The following MRPL11 variants were observed in gnomAD, a reference collection of about 807,000 sequenced individuals.
MRPL11 encodes large ribosomal subunit protein uL11m.
MRPL11 carries 21 observed loss-of-function variants against 19.1 expected under a neutral mutation model. The ratio of observed to expected loss-of-function variants is 1.10; its 90% confidence interval spans 0.78 to 1.58. The LOEUF (loss-of-function observed/expected upper bound fraction) is 1.58, where lower values mean the gene tolerates loss of function less well. Among genes scored for constraint, MRPL11 ranks in the 40% most tolerant of loss-of-function variants. MRPL11 has a pLI of 0.00. For synonymous variants in MRPL11, 108 were observed against 99.7 expected, an observed-to-expected ratio of 1.08 and a Z score of -0.49; for missense variants, 242 against 243.9, an observed-to-expected ratio of 0.99 and a Z score of 0.05.
At chr11:66,436,875 T>G in intron 4 of MRPL11, 1 of 1,614,152 alleles carries the variant, frequency 6.2e-7, no homozygotes, top group Non-Finnish European at 8.5e-7. Flanking sequence ...TTCATGGAGA[T>G]CTTTCCATTT....
At chr11:66,438,060 T>C (rs543211726) in intron 2 of MRPL11, 104 bp downstream of exon 2, 22 of 793,492 alleles carry the variant, frequency 2.8e-5, no homozygotes, top group South Asian at 2.6e-4. Flanking sequence ...AGCCCAGTAA[T>C]AGGAAGTCAA....
At chr11:66,438,331 G>A in intron 1 of MRPL11, 72 bp from the exon 2 acceptor site, 1 of 1,236,246 alleles carries the variant, frequency 8.1e-7, no homozygotes, top group Non-Finnish European at 1.2e-6. Flanking sequence ...GGCGCCGTCC[G>A]TTCCCTCCTT....
In MRPL11 at chr11:66,436,067, G is replaced by A; in HGVS notation, c.519C>T (p.Ile173=). The change falls in exon 5 of 5, where the codon ATC becomes ATT. Residue 173 remains isoleucine (I), a synonymous_variant. Transcript: ENST00000310999. The part of the protein sequence containing the change: ...ELAAFQKERA[I]FLAAQKEADL... ...CTGCCTCCTTCTGAGCAGCCAGGAA[G>A]ATGGCTCGTTCCTTCTGGAAAGCTG... 6.2e-7 allele frequency: 1 copy of A among 1,614,096 alleles called. No homozygotes were observed. Among genetic ancestry groups the A allele is most frequent in the Non-Finnish European group, 8.5e-7 (1 of 1,180,006 alleles).
At chr11:66,436,175 C>T in intron 4 of MRPL11, 63 bp from the exon 5 acceptor site, 8 of 1,439,104 alleles carry the variant, frequency 5.6e-6, no homozygotes, top group Non-Finnish European at 7.7e-6. Flanking sequence ...CTCACAGGAC[C>T]CTATGTCTTG....
In MRPL11 at chr11:66,437,135, C is replaced by T; in HGVS notation, c.442G>A (p.Ala148Thr). 7 of 1,614,210 alleles carry T rather than the reference C, an allele frequency of 4.3e-6. No individual in the cohort carries two copies. The highest frequency in any genetic ancestry group is 5.9e-6 in the Non-Finnish European group (7 of 1,180,036). Residue 148 changes from alanine (A) to threonine (T), a missense_variant, in exon 4 of 5, where the codon GCC (alanine) becomes ACC (threonine). By Grantham distance (58) the Ala-to-Thr change is moderately conservative. Coordinates refer to ENST00000310999, the MANE Select transcript of MRPL11 (RefSeq NM_016050.5). ...ACCACGCGAATGCCCAGAGAACGGG[C>T]AGACCCGATGATGGAGCGGACAACA... ...SSVVRSIIGS[A>T]RSLGIRVVKD...
At chr11:66,438,324 G>A in intron 1 of MRPL11, 65 bp from the exon 2 acceptor site, 1 of 1,301,992 alleles carries the variant, frequency 7.7e-7, no homozygotes. Flanking sequence ...CCCAGGAGGC[G>A]CCGTCCGTTC....
chr11:66,438,373 C>G, intron 1 of MRPL11, 114 bp from the exon 2 acceptor site: 1 of 955,864 alleles, frequency 1.0e-6, no homozygotes. Flanking sequence ...CCATCTGTAC[C>G]CAGATTCAAC....
At position 66,437,141 on chromosome 11, in the gene MRPL11, C is replaced by T. The variant is rs767187835; in HGVS notation, c.436G>A (p.Gly146Arg). ...PLSSVVRSII[G>R]SARSLGIRVV... ...CGAATGCCCAGAGAACGGGCAGACC[C>T]GATGATGGAGCGGACAACAGACGAC... The change falls in exon 4 of 5, where the codon GGG (glycine) becomes AGG (arginine). Residue 146 changes from glycine (G) to arginine (R), a missense_variant. By Grantham distance (125) the Gly-to-Arg change is moderately radical. Transcript: ENST00000310999. 2 of 1,614,208 alleles carry T rather than the reference C, an allele frequency of 1.2e-6. No individual in the cohort carries two copies. Among genetic ancestry groups the T allele is most frequent in the Non-Finnish European group, 1.7e-6 (2 of 1,180,042 alleles).
At chr11:66,436,853 C>A in intron 4 of MRPL11, 1 of 1,614,142 alleles carries the variant, frequency 6.2e-7, no homozygotes, top group Admixed American at 1.7e-5. Context: ...TGAACTTCTC[C>A]CACTTGGATC....
rs955090745 is a variant in MRPL11 at position 66,438,829 on chromosome 11, C to T, written c.-75G>A. On this transcript the variant is annotated 5_prime_UTR_variant, in exon 1 of 5. Transcript: ENST00000310999. ...AGCTCTGGGCGCCACCATCTTGGGC[C>T]AGAGGTCAAGGGTCCTCACGTTAGG... 13 of 1,376,710 alleles carry T rather than the reference C, an allele frequency of 9.4e-6. No individual in the cohort carries two copies. The highest frequency in any genetic ancestry group is 1.9e-4 in the Middle Eastern group (1 of 5,238). The allele number at this position is 1,376,710 out of a possible 1,614,324, so 85.3% of individuals were successfully genotyped here.
At chr11:66,436,800 A>T (rs770260374) in intron 4 of MRPL11, 2 of 1,597,918 alleles carry the variant, frequency 1.3e-6, no homozygotes, top group African/African-American at 2.7e-5. Flanking sequence ...CTTCCCTCAT[A>T]CCATTCTCCA....
rs2279865 is a variant in MRPL11 at position 66,435,554 on chromosome 11, A to C, written c.*453T>G. Reference sequence around the variant, plus strand: ...TAAGCAATACACCTCAGCCCTAGCAACCATAGTTCCCACCCTGGGGAGGGG... The same window carrying C: ...TAAGCAATACACCTCAGCCCTAGCACCCATAGTTCCCACCCTGGGGAGGGG... On this transcript the variant is annotated 3_prime_UTR_variant, in exon 5 of 5. Coordinates refer to ENST00000310999, the MANE Select transcript of MRPL11 (RefSeq NM_016050.5). 0.28 allele frequency: 43,316 copies of C among 156,622 alleles called. 6,518 individuals are homozygous for C. Among genetic ancestry groups the C allele is most frequent in the African/African-American group, 0.36 (14,956 of 41,478 alleles). 9.7% of individuals were successfully genotyped at this position (156,622 alleles called of 1,614,324 possible).
intron 2 of MRPL11, among the ~76,000 whole-genome samples, chr11:66,437,905 A>C (rs1292446365): frequency 6.6e-6 from 1 of 152,154 alleles, no homozygotes. Context: ...ATAAATCTGC[A>C]GCAAACATCC....
Position 66,438,644 on chromosome 11 carries a change from T to C in MRPL11, c.111A>G (p.Pro37=), listed in dbSNP as rs903072582. The C allele has an allele frequency of 3.9e-6, 6 of 1,544,466 alleles. No homozygotes were observed. The African/African-American group carries it at 8.3e-5, about 21-fold the overall frequency. Reference sequence around the variant, plus strand: ...GCCACGGCCGCACCTGACCCAGCACTGGGCCTAGTGGGGGCCCGGGCATGG... The same window carrying C: ...GCCACGGCCGCACCTGACCCAGCACCGGGCCTAGTGGGGGCCCGGGCATGG... ...GLAMPGPPLG[P]VLGQRGVSIN... is the part of the protein sequence containing the mutation. The change falls in exon 1 of 5, where the codon CCA becomes CCG. Residue 37 remains proline, a synonymous_variant. Transcript: ENST00000310999.
In MRPL11 at chr11:66,438,625, G is replaced by A; in HGVS notation, c.123+7C>T. 1 of 1,504,196 alleles carries A rather than the reference G, an allele frequency of 6.6e-7. No individual in the cohort carries two copies. Among genetic ancestry groups the A allele is most frequent in the South Asian group, 1.3e-5 (1 of 76,720 alleles). 93.2% of individuals were successfully genotyped at this position (1,504,196 alleles called of 1,614,324 possible). On this transcript the variant is annotated splice_region_variant and intron_variant, in intron 1 of 4. Coordinates refer to ENST00000310999, the MANE Select transcript of MRPL11 (RefSeq NM_016050.5). ...ACCCCCACGTCGGGTTCCCGCCACG[G>A]CCGCACCTGACCCAGCACTGGGCCT...
In MRPL11 at chr11:66,437,163, C is replaced by T. The variant is rs551335445; in HGVS notation, c.414G>A (p.Ser138=). ...EAFALQDVPL[S]SVVRSIIGSA... ...ACCCGATGATGGAGCGGACAACAGA[C>T]GACAGGGGTACATCCTGCAGGGCAA... Residue 138 remains serine, a synonymous_variant, in exon 4 of 5, where the codon TCG becomes TCA. Transcript: ENST00000310999. The T allele has an allele frequency of 2.0e-5, 33 of 1,614,216 alleles. No homozygotes were observed. Among genetic ancestry groups the T allele is most frequent in the Admixed American group, 3.3e-5 (2 of 60,024 alleles).
At chr11:66,436,411 C>T (rs1400822623) in intron 4 of MRPL11, among the ~76,000 whole-genome samples, 9 of 152,116 alleles carry the variant, frequency 5.9e-5, no homozygotes, top group Non-Finnish European at 1.2e-4. Context: ...CCAGAATATG[C>T]TGTACAATGA....
Position 66,438,255 on chromosome 11 carries a change from CCT to C in MRPL11, c.126_127del (p.Gly43ArgfsTer12), listed in dbSNP as rs755492424. 6.8e-6 allele frequency: 11 copies of C among 1,612,996 alleles called. No homozygotes were observed. Among genetic ancestry groups the C allele is most frequent in the Non-Finnish European group, 8.5e-6 (10 of 1,179,118 alleles). On this transcript the variant is annotated frameshift_variant and splice_region_variant, in exon 2 of 5. Coordinates refer to ENST00000310999, the MANE Select transcript of MRPL11 (RefSeq NM_016050.5). LOFTEE classifies it high-confidence loss of function. ...CTTGCAAAACTGGTTGATGGAAACGCCTCTCTGTGAGGGAAGCAGAGGGGGTT... is the reference window on the plus strand; with the variant it reads ...CTTGCAAAACTGGTTGATGGAAACGCCTCTGTGAGGGAAGCAGAGGGGGTT...
chr11:66,438,689 C>A lies in MRPL11; in HGVS notation c.66G>T (p.Ala22=), dbSNP rs767582886. Residue 22 remains alanine (A), a synonymous_variant, in exon 1 of 5, where the codon GCG becomes GCT. Coordinates refer to ENST00000310999, the MANE Select transcript of MRPL11 (RefSeq NM_016050.5). ...RKPEVGGVIR[A]IVRAGLAMPG... ...GCATGGCCAGGCCTGCCCGCACGAT[C>A]GCCCGGATCACACCGCCGACCTCGG... 2 of 1,579,474 alleles carry A rather than the reference C, an allele frequency of 1.3e-6. No homozygotes were observed. Among genetic ancestry groups the A allele is most frequent in the Admixed American group, 3.5e-5 (2 of 57,080 alleles).
Sources: allele counts gnomAD v4.1 joint callset (sites outside exome capture counted in the v4.1 genomes callset), GRCh38; gene constraint gnomAD v4.1.1; transcripts MANE v1.5; gene names NCBI Gene and HGNC (gene_info 2026-07-23, HGNC 2026-07-21).